GSN: variants seen among roughly 807,000 people sequenced by gnomAD.
GSN encodes actin-depolymerizing factor.
Under a neutral mutation model 85.7 loss-of-function variants are expected in GSN, and 56 were observed. That is an observed-to-expected ratio of 0.65 (90% CI 0.53 to 0.82). The LOEUF (loss-of-function observed/expected upper bound fraction) is 0.82. GSN is among the 40% of genes least tolerant of loss of function. GSN has a pLI of 0.00. For missense variants in GSN, 857 were observed against 979.8 expected (o/e 0.87, Z 1.67); for synonymous variants, 373 against 399.1 (o/e 0.93, Z 0.78).
intron 6 of GSN, among the ~76,000 whole-genome samples, chr9:121,249,229 C>T (rs904792983): frequency 2.6e-5 from 4 of 151,668 alleles, no homozygotes; most frequent in East Asian, 1.9e-4. Context: ...GAGGGTGAGG[C>T]GAGTGGATCA....
At chr9:121,290,323 G>T (rs950134098) in intron 2 of GSN, among the ~76,000 whole-genome samples, 18 of 152,134 alleles carry the variant, frequency 1.2e-4, no homozygotes, top group African/African-American at 3.9e-4. Context: ...TAAATCTTCC[G>T]GCTGGCTATG....
chr9:121,289,345 C>A (rs571856250), intron 2 of GSN, among the ~76,000 whole-genome samples: 6 of 152,072 alleles, frequency 3.9e-5, no homozygotes, highest in Non-Finnish European at 1.5e-5. Flanking sequence ...CCCCCAGATC[C>A]CCTCTCTCTG....
chr9:121,275,385 A>G (rs1280872938), intron 1 of GSN, among the ~76,000 whole-genome samples: 2 of 152,204 alleles, frequency 1.3e-5, no homozygotes, highest in Non-Finnish European at 2.9e-5. Context: ...GGCCAGTGCA[A>G]TCATGTGGAT....
At chr9:121,243,003 A>G (rs1419481219) in intron 5 of GSN, among the ~76,000 whole-genome samples, 1 of 152,192 alleles carries the variant, frequency 6.6e-6, no homozygotes, top group Non-Finnish European at 1.5e-5. Context: ...TTAGTTTCCT[A>G]TCACTGCTGT....
At chr9:121,296,581 A>G (rs2059242906) in intron 2 of GSN, among the ~76,000 whole-genome samples, 1 of 152,296 alleles carries the variant, frequency 6.6e-6, no homozygotes, top group Admixed American at 6.5e-5. Flanking sequence ...TTGCATATGA[A>G]GACACTGAAA....
chr9:121,302,225 T>C (rs1198940379), intron 3 of GSN, 58 bp downstream of exon 3: 1 of 1,580,844 alleles, frequency 6.3e-7, no homozygotes, highest in South Asian at 1.1e-5. Context: ...GTGCAGACCT[T>C]TGGGGCATGG....
chr9:121,232,836 C>T (rs934263823), intron 5 of GSN, among the ~76,000 whole-genome samples: 2 of 152,154 alleles, frequency 1.3e-5, no homozygotes, highest in African/African-American at 4.8e-5. Context: ...CTTTCAAGAA[C>T]CTCCGCTTTC....
chr9:121,221,097 C>G (rs1302731439), intron 4 of GSN, among the ~76,000 whole-genome samples: 1 of 152,232 alleles, frequency 6.6e-6, no homozygotes, highest in Non-Finnish European at 1.5e-5. Context: ...GGCCGCCTCT[C>G]TCACTCATTC....
chr9:121,319,011 A>G, intron 10 of GSN, 131 bp downstream of exon 10: 1 of 785,900 alleles, frequency 1.3e-6, no homozygotes, highest in Non-Finnish European at 2.1e-6. Context: ...CTTTGGTGTT[A>G]CTTAGTTTTT....
At chr9:121,257,306 A>G (rs2054985403) in intron 6 of GSN, among the ~76,000 whole-genome samples, 2 of 152,338 alleles carry the variant, frequency 1.3e-5, no homozygotes, top group Middle Eastern at 3.4e-3. Context: ...TATTACACAT[A>G]CATTTTAAAA....
chr9:121,325,927 T>G (rs1315200147), intron 12 of GSN, among the ~76,000 whole-genome samples: 2 of 151,914 alleles, frequency 1.3e-5, no homozygotes, highest in Non-Finnish European at 2.9e-5. Flanking sequence ...GCGACTGCCA[T>G]ATGCCTGACG....
At chr9:121,260,351 A>C (rs2055055697) in intron 6 of GSN, among the ~76,000 whole-genome samples, 3 of 152,226 alleles carry the variant, frequency 2.0e-5, no homozygotes, top group Admixed American at 1.3e-4. Flanking sequence ...TTGATTTCTC[A>C]AGTTGGTGGT....
intron 2 of GSN, among the ~76,000 whole-genome samples, chr9:121,297,050 C>T (rs1433129427): frequency 6.6e-6 from 1 of 152,236 alleles, no homozygotes; most frequent in African/African-American, 2.4e-5. Flanking sequence ...AGGGGCCCCT[C>T]AGCTGGGCAG....
At chr9:121,229,513 C>T (rs1428304866) in intron 4 of GSN, among the ~76,000 whole-genome samples, 2 of 152,230 alleles carry the variant, frequency 1.3e-5, no homozygotes, top group African/African-American at 4.8e-5. Flanking sequence ...GCCACCACGC[C>T]CGGCCTCATA....
intron 2 of GSN, 55 bp from the exon 3 acceptor site, chr9:121,301,908 G>T: frequency 6.2e-7 from 1 of 1,612,608 alleles, no homozygotes; most frequent in Non-Finnish European, 8.5e-7. Context: ...TCATGCCTGG[G>T]GTCTCTCCCT....
At chr9:121,302,276 C>A in intron 3 of GSN, 109 bp downstream of exon 3, 1 of 1,281,158 alleles carries the variant, frequency 7.8e-7, no homozygotes, top group Non-Finnish European at 1.1e-6. Flanking sequence ...CTAGTATGTG[C>A]TGGGCCCTTG....
intron 12 of GSN, among the ~76,000 whole-genome samples, chr9:121,325,251 A>G (rs2063010730): frequency 6.6e-6 from 1 of 152,222 alleles, no homozygotes; most frequent in Admixed American, 6.5e-5. Context: ...CCTAGGTAGG[A>G]TCCTATTGGA....
intron 3 of GSN, among the ~76,000 whole-genome samples, chr9:121,302,411 T>C (rs527733389): frequency 3.8e-4 from 58 of 152,272 alleles, no homozygotes; most frequent in African/African-American, 1.3e-3. Flanking sequence ...GACATGATGA[T>C]AGCTCTGCAC....
intron 2 of GSN, chr9:121,282,727 C>G: frequency 2.4e-6 from 1 of 411,714 alleles, no homozygotes. Flanking sequence ...CGGGTCTTGG[C>G]TCTGATGCAT....
Sources: allele counts gnomAD v4.1 joint callset (sites outside exome capture counted in the v4.1 genomes callset), GRCh38; gene constraint gnomAD v4.1.1; transcripts MANE v1.5; gene names NCBI Gene and HGNC (gene_info 2026-07-23, HGNC 2026-07-21).